PCCA: variants seen among roughly 807,000 people sequenced by gnomAD.
PCCA encodes the protein propionyl-CoA carboxylase subunit alpha.
Under a neutral mutation model 101.3 loss-of-function variants are expected in PCCA, and 74 were observed. The observed-to-expected ratio is 0.73, with a 90% CI of 0.61 to 0.89. The LOEUF is 0.89. PCCA is among the 40% of genes least tolerant of loss of function. PCCA has a pLI of 0.00. For synonymous variants in PCCA, 294 were observed against 313.6 expected (o/e 0.94, Z 0.66); for missense variants, 891 against 907.0 (o/e 0.98, Z 0.23).
At chr13:100,126,059 TAATC>T (rs1368458037) in intron 4 of PCCA, among the ~76,000 whole-genome samples, 3 of 152,204 alleles carry the variant, frequency 2.0e-5, no homozygotes, top group African/African-American at 7.2e-5. Context: ...GGCAATGAGT[TAATC>T]AAGAAGTATG....
intron 4 of PCCA, among the ~76,000 whole-genome samples, chr13:100,124,231 C>G (rs2049722754): frequency 6.6e-6 from 1 of 152,090 alleles, no homozygotes; most frequent in Admixed American, 6.6e-5. Flanking sequence ...GAAAATGATT[C>G]TGTATATCAA....
intron 21 of PCCA, among the ~76,000 whole-genome samples, chr13:100,467,317 A>C (rs1055452230): frequency 1.3e-5 from 2 of 152,142 alleles, no homozygotes; most frequent in African/African-American, 2.4e-5. Context: ...CAGACAGCTG[A>C]GGTCCGGATT....
intron 21 of PCCA, among the ~76,000 whole-genome samples, chr13:100,503,618 T>G (rs1159905001): frequency 2.0e-5 from 3 of 152,112 alleles, no homozygotes; most frequent in Non-Finnish European, 4.4e-5. Flanking sequence ...TTAAATGAGC[T>G]GTGGGCTGGG....
At chr13:100,318,486 C>A (rs535965942) in intron 16 of PCCA, among the ~76,000 whole-genome samples, 9 of 127,664 alleles carry the variant, frequency 7.0e-5, no homozygotes, top group African/African-American at 2.6e-4. Context: ...CCCCCCTCCC[C>A]CCACCCCATG....
At chr13:100,525,779 G>A (rs150203218) in intron 22 of PCCA, among the ~76,000 whole-genome samples, 6 of 152,334 alleles carry the variant, frequency 3.9e-5, no homozygotes, top group African/African-American at 1.4e-4. Flanking sequence ...CGGGGCTCTG[G>A]CCAGTCCTGG....
At chr13:100,216,750 C>T (rs1022148340) in intron 7 of PCCA, among the ~76,000 whole-genome samples, 1 of 152,156 alleles carries the variant, frequency 6.6e-6, no homozygotes, top group Non-Finnish European at 1.5e-5. Context: ...TTGGAATTGG[C>T]TGAGATAACT....
At chr13:100,353,337 A>T (rs935079099) in intron 18 of PCCA, among the ~76,000 whole-genome samples, 1 of 152,220 alleles carries the variant, frequency 6.6e-6, no homozygotes, top group Admixed American at 6.5e-5. Context: ...AAGTGCACGT[A>T]TAACATTCTC....
At chr13:100,123,955 T>A (rs2152308583) in intron 4 of PCCA, among the ~76,000 whole-genome samples, 1 of 152,274 alleles carries the variant, frequency 6.6e-6, no homozygotes, top group East Asian at 1.9e-4. Flanking sequence ...GTTTAATGGC[T>A]TTAGTGACTA....
At chr13:100,420,942 C>G (rs991238504) in intron 19 of PCCA, among the ~76,000 whole-genome samples, 1 of 152,182 alleles carries the variant, frequency 6.6e-6, no homozygotes, top group Non-Finnish European at 1.5e-5. Context: ...TGTAGTGGCT[C>G]ATGCCTGTAA....
chr13:100,335,598 G>A (rs1049392286), intron 17 of PCCA, among the ~76,000 whole-genome samples: 6 of 152,094 alleles, frequency 3.9e-5, no homozygotes, highest in African/African-American at 1.4e-4. Context: ...AGAGTAAGGC[G>A]ACTCTCTTTC....
intron 19 of PCCA, among the ~76,000 whole-genome samples, chr13:100,390,047 T>C (rs2076724911): frequency 6.6e-6 from 1 of 152,084 alleles, no homozygotes; most frequent in Non-Finnish European, 1.5e-5. Context: ...TGCAAGTATT[T>C]TGGAGAAAAA....
intron 16 of PCCA, among the ~76,000 whole-genome samples, chr13:100,329,457 A>G (rs543120771): frequency 3.4e-4 from 52 of 152,258 alleles, no homozygotes; most frequent in African/African-American, 1.1e-3. Context: ...ATAACAACCA[A>G]TTGAGAGCAG....
intron 18 of PCCA, 89 bp downstream of exon 18, chr13:100,340,348 G>T (rs1347000404): frequency 9.1e-6 from 7 of 771,526 alleles, no homozygotes; most frequent in African/African-American, 8.6e-5. Context: ...AGATGTGGCT[G>T]ATCTCAGTTC....
intron 20 of PCCA, among the ~76,000 whole-genome samples, chr13:100,446,712 T>G (rs2080858261): frequency 6.6e-6 from 1 of 152,190 alleles, no homozygotes. Context: ...TTTTTTTGCC[T>G]TTATTAAGTT....
intron 12 of PCCA, among the ~76,000 whole-genome samples, chr13:100,289,796 AT>A: frequency 6.6e-6 from 1 of 152,104 alleles, no homozygotes. Context: ...CTTCTAAGCT[AT>A]TTTTAGTTTA....
intron 19 of PCCA, among the ~76,000 whole-genome samples, chr13:100,395,611 A>G (rs1421041396): frequency 6.6e-6 from 1 of 152,166 alleles, no homozygotes; most frequent in East Asian, 1.9e-4. Context: ...GTGGCTCAGG[A>G]ATATTTTATT....
intron 6 of PCCA, among the ~76,000 whole-genome samples, chr13:100,167,679 T>C (rs768019010): frequency 2.0e-5 from 3 of 152,250 alleles, no homozygotes; most frequent in Non-Finnish European, 4.4e-5. Context: ...AATTTTGAGT[T>C]AATTTTTATA....
At chr13:100,451,376 T>C (rs1168657037) in intron 21 of PCCA, among the ~76,000 whole-genome samples, 2 of 152,138 alleles carry the variant, frequency 1.3e-5, no homozygotes, top group African/African-American at 4.8e-5. Context: ...TTCCAGAAAA[T>C]TATGCATCTT....
At chr13:100,101,066 G>A (rs2047235429) in intron 1 of PCCA, among the ~76,000 whole-genome samples, 2 of 152,240 alleles carry the variant, frequency 1.3e-5, no homozygotes, top group East Asian at 3.9e-4. Context: ...GCCTCCCAAA[G>A]TGTTGGGATT....
Sources: gnomAD v4.1 joint callset for allele counts (sites outside exome capture counted in the v4.1 genomes callset) on GRCh38, gnomAD v4.1.1 for gene constraint, MANE v1.5 for transcripts, NCBI Gene and HGNC (gene_info 2026-07-23, HGNC 2026-07-21) for gene names.